Variants in IQCJ observed in about 807,000 individuals in gnomAD.
IQCJ encodes IQ domain-containing protein J.
In IQCJ, 9 loss-of-function variants were observed where a neutral mutation model predicts 11.0. The observed-to-expected ratio is 0.82, with a 90% CI of 0.49 to 1.43. The LOEUF is 1.43. Ranked by LOEUF, IQCJ falls within the 40% of genes most tolerant of loss-of-function variation. The pLI, the probability that IQCJ is intolerant of heterozygous loss-of-function variation, is 0.00. For synonymous variants in IQCJ, 55 were observed against 51.3 expected (o/e 1.07, Z -0.31); for missense variants, 146 against 133.2 (o/e 1.10, Z -0.47).
At chr3:159,169,819 A>G (rs1028285865) in intron 1 of IQCJ, among the ~76,000 whole-genome samples, 4 of 152,096 alleles carry the variant, frequency 2.6e-5, no homozygotes, top group Non-Finnish European at 1.5e-5. Context: ...AAGAGTCCTG[A>G]GGACTTTACC....
At chr3:159,074,171 C>T (rs563342755) in intron 1 of IQCJ, among the ~76,000 whole-genome samples, 12 of 152,034 alleles carry the variant, frequency 7.9e-5, no homozygotes, top group African/African-American at 1.4e-4. Context: ...AATAGGCTTG[C>T]GTGAAGGTGA....
chr3:159,196,440 A>G (rs746800175), intron 1 of IQCJ, among the ~76,000 whole-genome samples: 1 of 152,202 alleles, frequency 6.6e-6, no homozygotes, highest in Non-Finnish European at 1.5e-5. Context: ...AAAACTCCCA[A>G]CACTCAGGCC....
At chr3:159,080,343 C>T (rs538589023) in intron 1 of IQCJ, among the ~76,000 whole-genome samples, 11 of 152,036 alleles carry the variant, frequency 7.2e-5, no homozygotes, top group Non-Finnish European at 1.2e-4. Context: ...CAGTCAGGGG[C>T]GTATAAACTC....
intron 1 of IQCJ, among the ~76,000 whole-genome samples, chr3:159,231,433 C>T (rs1281523051): frequency 2.0e-5 from 3 of 152,198 alleles, no homozygotes; most frequent in Admixed American, 6.5e-5. Context: ...CTGATAATCA[C>T]ATTCTTATGA....
intron 1 of IQCJ, among the ~76,000 whole-genome samples, chr3:159,123,051 T>C (rs1719469136): frequency 6.6e-6 from 1 of 152,206 alleles, no homozygotes; most frequent in Admixed American, 6.5e-5. Context: ...TTTTCCCTTC[T>C]TTCAAAATAG....
intron 1 of IQCJ, among the ~76,000 whole-genome samples, chr3:159,161,179 C>T (rs576867384): frequency 6.6e-6 from 1 of 152,330 alleles, no homozygotes; most frequent in Non-Finnish European, 1.5e-5. Flanking sequence ...TTCTCCACAT[C>T]CTCTCCAGCA....
intron 1 of IQCJ, among the ~76,000 whole-genome samples, chr3:159,103,224 C>T (rs568835198): frequency 6.6e-6 from 1 of 152,324 alleles, no homozygotes; most frequent in South Asian, 2.1e-4. Context: ...TAAATGTCCT[C>T]TCAGTTGTAA....
intron 1 of IQCJ, among the ~76,000 whole-genome samples, chr3:159,120,632 T>C (rs1490497519): frequency 6.6e-6 from 1 of 152,232 alleles, no homozygotes; most frequent in East Asian, 1.9e-4. Context: ...AAGAAGAGAC[T>C]GTCTTCCTGC....
chr3:159,116,610 A>ATATG (rs1482038030), intron 1 of IQCJ, among the ~76,000 whole-genome samples: 5 of 80,116 alleles, frequency 6.2e-5, no homozygotes, highest in Non-Finnish European at 1.2e-4. Context: ...CATCCTGCTC[A>ATATG]TATGTATATA....
downstream of IQCJ, among the ~76,000 whole-genome samples, chr3:159,264,389 C>T (rs1728386531): frequency 6.6e-6 from 1 of 152,212 alleles, no homozygotes; most frequent in Admixed American, 6.5e-5. Context: ...TATCTCTGCA[C>T]AGCTTCACTA....
At chr3:159,245,593 C>T (rs939240431) in intron 1 of IQCJ, among the ~76,000 whole-genome samples, 1 of 151,634 alleles carries the variant, frequency 6.6e-6, no homozygotes, top group African/African-American at 2.4e-5. Flanking sequence ...TCCCAAGTAG[C>T]TGGGACTACA....
intron 1 of IQCJ, among the ~76,000 whole-genome samples, chr3:159,172,933 A>C (rs763129843): frequency 6.6e-6 from 1 of 152,200 alleles, no homozygotes; most frequent in African/African-American, 2.4e-5. Context: ...AAGTTTTGAG[A>C]GTTACTTTCC....
At chr3:159,248,475 T>C (rs1727403040) in intron 2 of IQCJ, among the ~76,000 whole-genome samples, 1 of 152,162 alleles carries the variant, frequency 6.6e-6, no homozygotes, top group Non-Finnish European at 1.5e-5. Context: ...ACTAAAGAGT[T>C]TTTTGCTGAC....
intron 1 of IQCJ, among the ~76,000 whole-genome samples, chr3:159,093,586 G>A (rs184987211): frequency 2.6e-4 from 39 of 151,876 alleles, no homozygotes; most frequent in Admixed American, 1.6e-3. Flanking sequence ...TTCATGATGA[G>A]GAGGTAGAGG....
At chr3:159,228,751 C>T (rs904772761) in intron 1 of IQCJ, among the ~76,000 whole-genome samples, 1 of 150,988 alleles carries the variant, frequency 6.6e-6, no homozygotes, top group African/African-American at 2.4e-5. Flanking sequence ...TGCAGTGAGC[C>T]GAGATCCCGC....
intron 1 of IQCJ, among the ~76,000 whole-genome samples, chr3:159,132,971 C>T (rs1392948): frequency 0.67 from 102,254 of 152,022 alleles, 34,544 homozygotes; most frequent in Non-Finnish European, 0.71. Flanking sequence ...TGTTTTGAGC[C>T]AACAAGCTCT....
At chr3:159,150,391 T>C (rs1353037754) in intron 1 of IQCJ, among the ~76,000 whole-genome samples, 3 of 152,106 alleles carry the variant, frequency 2.0e-5, no homozygotes. Flanking sequence ...CCATTTGCCA[T>C]TGGCTGAGGG....
chr3:159,241,146 A>G (rs1726895009), intron 1 of IQCJ, among the ~76,000 whole-genome samples: 1 of 151,940 alleles, frequency 6.6e-6, no homozygotes, highest in African/African-American at 2.4e-5. Context: ...GCAGTGGCTC[A>G]TGCTTGTAAT....
chr3:159,264,319 A>T (rs776655433), downstream of IQCJ, among the ~76,000 whole-genome samples: 1 of 152,200 alleles, frequency 6.6e-6, no homozygotes, highest in Non-Finnish European at 1.5e-5. Context: ...CGATTCTAGC[A>T]TAAGTGTTTT....
Sources: gnomAD v4.1 joint callset for allele counts (sites outside exome capture counted in the v4.1 genomes callset) on GRCh38, gnomAD v4.1.1 for gene constraint, MANE v1.5 for transcripts, NCBI Gene and HGNC (gene_info 2026-07-23, HGNC 2026-07-21) for gene names.